The following CNTNAP2 variants were observed in gnomAD, a reference collection of about 807,000 sequenced individuals.
CNTNAP2 encodes the protein contactin-associated protein-like 2.
A neutral mutation model predicts 155.2 loss-of-function variants in CNTNAP2; 98 were observed. That is an observed-to-expected ratio of 0.63 (90% CI 0.54 to 0.75). The LOEUF is 0.75. Ranked by LOEUF, CNTNAP2 falls within the 30% of genes least tolerant of loss-of-function variation. The probability of loss-of-function intolerance (pLI) is 0.00; values close to 1 mark genes in which losing one functional copy is unlikely to be tolerated. For synonymous variants in CNTNAP2, 651 were observed against 631.2 expected, an observed-to-expected ratio of 1.03 and a Z score of -0.47; for missense variants, 1,727 against 1,688.1, an observed-to-expected ratio of 1.02 and a Z score of -0.40.
intron 1 of CNTNAP2, among the ~76,000 whole-genome samples, chr7:146,750,112 C>A (rs1801877594): frequency 6.6e-6 from 1 of 152,056 alleles, no homozygotes. Flanking sequence ...GATTGCTCTG[C>A]CAACATCTGA....
At chr7:146,236,958 A>G (rs144328927) in intron 1 of CNTNAP2, among the ~76,000 whole-genome samples, 176 of 152,302 alleles carry the variant, frequency 1.2e-3, no homozygotes, top group African/African-American at 4.0e-3. Context: ...CAAGAGCTCA[A>G]GATAGCATTT....
intron 21 of CNTNAP2, among the ~76,000 whole-genome samples, chr7:148,350,518 A>G (rs559841891): frequency 2.0e-5 from 3 of 152,334 alleles, no homozygotes; most frequent in Admixed American, 6.5e-5. Flanking sequence ...GTTACTTGCA[A>G]TAAGTCATTA....
intron 13 of CNTNAP2, among the ~76,000 whole-genome samples, chr7:147,768,094 A>T (rs1399870821): frequency 6.6e-6 from 1 of 152,136 alleles, no homozygotes; most frequent in African/African-American, 2.4e-5. Context: ...ACTTCCTTTC[A>T]GAAATTGACC....
At chr7:147,419,906 T>C (rs1797260486) in intron 10 of CNTNAP2, among the ~76,000 whole-genome samples, 1 of 152,162 alleles carries the variant, frequency 6.6e-6, no homozygotes, top group Admixed American at 6.6e-5. Context: ...ATTTCTTGAG[T>C]CTTTGCTATG....
intron 8 of CNTNAP2, among the ~76,000 whole-genome samples, chr7:147,269,274 G>A (rs1804687149): frequency 1.3e-5 from 2 of 152,032 alleles, no homozygotes; most frequent in Admixed American, 1.3e-4. Flanking sequence ...TAACTTTTAG[G>A]TTAAGAAAAT....
chr7:146,921,189 T>C (rs1796490883), intron 3 of CNTNAP2, among the ~76,000 whole-genome samples: 1 of 152,152 alleles, frequency 6.6e-6, no homozygotes, highest in Admixed American at 6.6e-5. Flanking sequence ...ATTAGACTGT[T>C]CTATGTCTTG....
intron 12 of CNTNAP2, among the ~76,000 whole-genome samples, chr7:147,595,468 T>C (rs970428070): frequency 3.9e-5 from 6 of 152,220 alleles, no homozygotes; most frequent in African/African-American, 1.4e-4. Context: ...TATTTACAAA[T>C]TGAAAAAGTT....
At chr7:146,928,383 T>C (rs1796654458) in intron 3 of CNTNAP2, among the ~76,000 whole-genome samples, 1 of 152,208 alleles carries the variant, frequency 6.6e-6, no homozygotes, top group African/African-American at 2.4e-5. Flanking sequence ...ATTTTAATGT[T>C]GGTCGTTCTG....
chr7:147,411,494 G>A (rs946960590), intron 10 of CNTNAP2, among the ~76,000 whole-genome samples: 1 of 152,172 alleles, frequency 6.6e-6, no homozygotes, highest in African/African-American at 2.4e-5. Context: ...TAAGATGTCT[G>A]AAATAGACAA....
chr7:147,279,849 G>T (rs891036424), intron 8 of CNTNAP2, among the ~76,000 whole-genome samples: 1 of 151,816 alleles, frequency 6.6e-6, no homozygotes, highest in African/African-American at 2.4e-5. Flanking sequence ...GTAGAAAATG[G>T]TAAGTTTACA....
At chr7:146,181,412 AT>A (rs1229548513) in intron 1 of CNTNAP2, among the ~76,000 whole-genome samples, 1 of 152,132 alleles carries the variant, frequency 6.6e-6, no homozygotes, top group East Asian at 1.9e-4. Flanking sequence ...GCCATGATAA[AT>A]TTTTATTATT....
intron 1 of CNTNAP2, among the ~76,000 whole-genome samples, chr7:146,380,346 T>G (rs890938095): frequency 5.9e-5 from 9 of 152,174 alleles, no homozygotes; most frequent in Non-Finnish European, 8.8e-5. Flanking sequence ...TATGAAGGAC[T>G]TCAATAAAAA....
intron 8 of CNTNAP2, among the ~76,000 whole-genome samples, chr7:147,154,016 G>A (rs956818969): frequency 6.6e-6 from 1 of 151,948 alleles, no homozygotes; most frequent in African/African-American, 2.4e-5. Context: ...AGAAAGTCAA[G>A]GATTGCTCTT....
At chr7:147,122,930 A>T (rs1801150915) in intron 6 of CNTNAP2, 1 of 152,130 alleles carries the variant, frequency 6.6e-6, no homozygotes, top group Non-Finnish European at 1.5e-5. Flanking sequence ...AATAAATGGA[A>T]AAAACAGGAT....
chr7:147,605,889 TTC>T (rs957774606), intron 12 of CNTNAP2, among the ~76,000 whole-genome samples: 10 of 150,932 alleles, frequency 6.6e-5, no homozygotes, highest in Admixed American at 2.6e-4. Flanking sequence ...CCCTCTTCCC[TTC>T]TCTCTCTCTC....
intron 11 of CNTNAP2, among the ~76,000 whole-genome samples, chr7:147,523,820 G>T (rs1799270643): frequency 6.6e-6 from 1 of 152,166 alleles, no homozygotes; most frequent in Non-Finnish European, 1.5e-5. Context: ...CTCGTATGGA[G>T]CTATAAATTA....
At chr7:146,580,042 A>T (rs1044864154) in intron 1 of CNTNAP2, among the ~76,000 whole-genome samples, 2 of 152,102 alleles carry the variant, frequency 1.3e-5, no homozygotes, top group Non-Finnish European at 2.9e-5. Flanking sequence ...CACCTAACCA[A>T]TTATATTTCC....
chr7:148,232,109 G>T (rs922325222), intron 20 of CNTNAP2, among the ~76,000 whole-genome samples: 7 of 152,126 alleles, frequency 4.6e-5, no homozygotes, highest in African/African-American at 1.7e-4. Context: ...CACGGCCTGG[G>T]GAGCTCCAAT....
chr7:146,498,651 A>G (rs1797254590), intron 1 of CNTNAP2, among the ~76,000 whole-genome samples: 2 of 150,182 alleles, frequency 1.3e-5, no homozygotes, highest in African/African-American at 5.0e-5. Flanking sequence ...GAACGAAATA[A>G]TAAAACAAAG....
Sources: allele counts gnomAD v4.1 joint callset (sites outside exome capture counted in the v4.1 genomes callset), GRCh38; gene constraint gnomAD v4.1.1; transcripts MANE v1.5; gene names NCBI Gene and HGNC (gene_info 2026-07-23, HGNC 2026-07-21).